MDGA2: variants seen among roughly 807,000 people sequenced by gnomAD.
The protein encoded by MDGA2 is MAM domain containing glycosylphosphatidylinositol anchor 2.
MDGA2 carries 40 observed loss-of-function variants against 117.8 expected under a neutral mutation model. The observed-to-expected ratio is 0.34, with a 90% CI of 0.26 to 0.44. The LOEUF is 0.44. MDGA2 is among the 20% of genes least tolerant of loss of function. The probability of loss-of-function intolerance (pLI) is 1.00; values close to 1 mark genes in which losing one functional copy is unlikely to be tolerated. For synonymous variants in MDGA2, 452 were observed against 439.0 expected (o/e 1.03, Z -0.37); for missense variants, 1,123 against 1,250.6 (o/e 0.90, Z 1.54).
intron 3 of MDGA2, among the ~76,000 whole-genome samples, chr14:47,192,345 G>T (rs8013595): frequency 0.21 from 32,423 of 152,060 alleles, 3,944 homozygotes; most frequent in East Asian, 0.35. Context: ...GCCGAACGAG[G>T]TGACTCATGC....
chr14:46,921,873 T>G (rs1882393168), intron 9 of MDGA2, among the ~76,000 whole-genome samples: 2 of 151,892 alleles, frequency 1.3e-5, no homozygotes, highest in African/African-American at 4.8e-5. Context: ...AAACCTAGAG[T>G]GTTTTCATTA....
At chr14:47,070,329 AT>A (rs1890236028) in intron 6 of MDGA2, among the ~76,000 whole-genome samples, 1 of 152,142 alleles carries the variant, frequency 6.6e-6, no homozygotes, top group South Asian at 2.1e-4. Context: ...AAACTTGAAA[AT>A]TTAGAGAAAT....
At chr14:47,383,360 A>G (rs1172773896) in intron 1 of MDGA2, among the ~76,000 whole-genome samples, 1 of 152,148 alleles carries the variant, frequency 6.6e-6, no homozygotes, top group Non-Finnish European at 1.5e-5. Context: ...AAAAAAAGAA[A>G]AGAAAAATAT....
At chr14:47,358,658 T>C (rs1280195020) in intron 1 of MDGA2, among the ~76,000 whole-genome samples, 3 of 152,184 alleles carry the variant, frequency 2.0e-5, no homozygotes, top group Non-Finnish European at 4.4e-5. Context: ...TGCATGTCTT[T>C]ACGTCAATAA....
intron 1 of MDGA2, among the ~76,000 whole-genome samples, chr14:47,618,191 C>A (rs1235351605): frequency 6.6e-6 from 1 of 152,178 alleles, no homozygotes; most frequent in Non-Finnish European, 1.5e-5. Flanking sequence ...TCTAATCAAG[C>A]AAAATGCTCC....
At position 47,162,503 on chromosome 14, in the gene MDGA2, T is replaced by TA. The variant is rs200594146; in HGVS notation, c.596-18230dup. Among the ~76,000 whole-genome samples, 889 of 152,298 alleles carry TA rather than the reference T, an allele frequency of 5.8e-3. 3 individuals are homozygous for TA. The highest frequency in any genetic ancestry group is 0.01 in the Non-Finnish European group (709 of 68,010). ...AAGAACTCTGATATAAATCCTTTTT[T>TA]AAAATGTGTCCTTTTTTGCTTTGTG... On this transcript the variant is annotated intron_variant, in intron 3 of 16. Transcript: ENST00000399232.
At chr14:46,865,402 G>C (rs1881710115) in intron 14 of MDGA2, among the ~76,000 whole-genome samples, 1 of 152,002 alleles carries the variant, frequency 6.6e-6, no homozygotes, top group African/African-American at 2.4e-5. Context: ...AAAATAATAA[G>C]AGCTATCTAT....
At chr14:46,877,157 G>T (rs1219523577) in intron 12 of MDGA2, among the ~76,000 whole-genome samples, 1 of 151,354 alleles carries the variant, frequency 6.6e-6, no homozygotes, top group East Asian at 1.9e-4. Context: ...AAAGAAACGT[G>T]TAACAACGAT....
chr14:47,524,922 A>T (rs1199340299), intron 1 of MDGA2, among the ~76,000 whole-genome samples: 1 of 152,212 alleles, frequency 6.6e-6, no homozygotes, highest in African/African-American at 2.4e-5. Context: ...TTACAGAATT[A>T]TTTAACCTTC....
intron 1 of MDGA2, among the ~76,000 whole-genome samples, chr14:47,424,413 C>CAA (rs34875957): frequency 2.1e-4 from 29 of 139,664 alleles, no homozygotes; most frequent in African/African-American, 3.7e-4. Flanking sequence ...GATTCTGTCT[C>CAA]AAAAAAAAAA....
At chr14:47,639,258 G>T (rs936622130) in intron 1 of MDGA2, among the ~76,000 whole-genome samples, 5 of 152,076 alleles carry the variant, frequency 3.3e-5, no homozygotes, top group African/African-American at 1.2e-4. Flanking sequence ...TGTGAACAGC[G>T]ATTTATATCT....
intron 2 of MDGA2, among the ~76,000 whole-genome samples, chr14:47,256,324 T>C (rs1434706297): frequency 6.6e-6 from 1 of 152,082 alleles, no homozygotes; most frequent in Admixed American, 6.6e-5. Context: ...AAATATTCAA[T>C]ATGCCTGCCC....
At chr14:46,895,884 T>C (rs767286285) in intron 10 of MDGA2, among the ~76,000 whole-genome samples, 9 of 152,192 alleles carry the variant, frequency 5.9e-5, no homozygotes, top group Non-Finnish European at 1.0e-4. Flanking sequence ...GATAACTTCC[T>C]TTCACAGTCT....
intron 2 of MDGA2, among the ~76,000 whole-genome samples, chr14:47,242,479 G>C (rs562279097): frequency 6.6e-6 from 1 of 151,988 alleles, no homozygotes; most frequent in East Asian, 1.9e-4. Flanking sequence ...TGCGTGTGGC[G>C]CTTGCGGGGC....
At chr14:47,400,086 A>T (rs1214102725) in intron 1 of MDGA2, among the ~76,000 whole-genome samples, 1 of 152,204 alleles carries the variant, frequency 6.6e-6, no homozygotes, top group Non-Finnish European at 1.5e-5. Context: ...GCAATCATAA[A>T]CAGAAAAAAA....
chr14:46,942,016 T>G (rs1057139020), intron 9 of MDGA2, among the ~76,000 whole-genome samples: 4 of 152,196 alleles, frequency 2.6e-5, no homozygotes, highest in Admixed American at 1.3e-4. Flanking sequence ...GACTGATATC[T>G]TTCTGATTTA....
Position 46,847,203 on chromosome 14 carries a change from T to C in MDGA2, c.2884-1332A>G, listed in dbSNP as rs181181331. Among the ~76,000 whole-genome samples, 21 of 152,144 alleles carry C rather than the reference T, an allele frequency of 1.4e-4. No homozygotes were observed. In the East Asian group the frequency reaches 1.7e-3, roughly 13 times the overall value. ...ATTGAGACCCTGTCCTTCACTTAAA[T>C]GTAGTTCATCAAACAAATAATAATT... On this transcript the variant is annotated intron_variant, in intron 15 of 16. Transcript: ENST00000399232.
intron 8 of MDGA2, among the ~76,000 whole-genome samples, chr14:47,014,121 T>C (rs1052136048): frequency 1.3e-5 from 2 of 151,980 alleles, no homozygotes; most frequent in African/African-American, 2.4e-5. Context: ...ATCAGAGTTA[T>C]TGAGTGACCA....
chr14:47,112,964 G>A (rs1314349390), intron 5 of MDGA2, among the ~76,000 whole-genome samples: 4 of 152,146 alleles, frequency 2.6e-5, no homozygotes, highest in African/African-American at 9.6e-5. Flanking sequence ...ATCTCATTGT[G>A]GTTTTCATTT....
Sources: allele counts gnomAD v4.1 joint callset (sites outside exome capture counted in the v4.1 genomes callset), GRCh38; gene constraint gnomAD v4.1.1; transcripts MANE v1.5; gene names NCBI Gene and HGNC (gene_info 2026-07-23, HGNC 2026-07-21).